PUM1: variants seen among roughly 807,000 people sequenced by gnomAD.
The protein encoded by PUM1 is pumilio RNA binding family member 1.
A neutral mutation model predicts 131.8 loss-of-function variants in PUM1; 13 were observed. The observed-to-expected ratio is 0.10, with a 90% confidence interval of 0.06 to 0.16. PUM1 has a LOEUF of 0.16. Ranked by LOEUF, PUM1 falls within the 10% of genes least tolerant of loss-of-function variation. PUM1 has a pLI of 1.00. For synonymous variants in PUM1, 509 were observed against 556.5 expected, an observed-to-expected ratio of 0.91 and a Z score of 1.20; for missense variants, 961 against 1,512.4, an observed-to-expected ratio of 0.64 and a Z score of 6.05.
rs374040779 is a variant in PUM1 at position 30,957,087 on chromosome 1, T to TACACACACATACACACAC, written c.2324-3107_2324-3106insGTGTGTGTATGTGTGTGT. Among the ~76,000 whole-genome samples the TACACACACATACACACAC allele has an allele frequency of 8.6e-5, 12 of 139,974 alleles. No individual in the cohort carries two copies. In the East Asian group the frequency reaches 2.4e-3, roughly 29 times the overall value. 91.8% of individuals were successfully genotyped at this position (139,974 alleles called of 152,430 possible). On this transcript the variant is annotated intron_variant, in intron 14 of 21. Coordinates refer to ENST00000426105, the MANE Select transcript of PUM1 (RefSeq NM_001020658.2). ...CAAGTACATACTACAAGGACATTCA[T>TACACACACATACACACAC]ACACACACACACACACACACACACA...
At chr1:31,032,739 G>A (rs1458784438) in intron 2 of PUM1, among the ~76,000 whole-genome samples, 1 of 152,130 alleles carries the variant, frequency 6.6e-6, no homozygotes, top group Non-Finnish European at 1.5e-5. Flanking sequence ...CCTCGGAGAT[G>A]GAGGCTGCAA....
intron 5 of PUM1, among the ~76,000 whole-genome samples, chr1:30,996,458 C>T (rs1641983424): frequency 6.6e-6 from 1 of 152,148 alleles, no homozygotes; most frequent in Non-Finnish European, 1.5e-5. Flanking sequence ...AGATCACTGG[C>T]CCAGAAAGGC....
At chr1:30,937,658 C>T (rs1237020348) in intron 20 of PUM1, among the ~76,000 whole-genome samples, 2 of 152,040 alleles carry the variant, frequency 1.3e-5, no homozygotes, top group East Asian at 1.9e-4. Flanking sequence ...ATAAAATTTA[C>T]TGTATGGCTT....
intron 2 of PUM1, among the ~76,000 whole-genome samples, chr1:31,054,116 AAAAAG>A (rs1246109074): frequency 3.3e-5 from 5 of 149,318 alleles, no homozygotes; most frequent in African/African-American, 1.2e-4. Flanking sequence ...AAAAAAAAAA[AAAAAG>A]GAGTTTGAGA....
chr1:31,025,150 C>G (rs1273745115), intron 3 of PUM1, among the ~76,000 whole-genome samples: 1 of 152,134 alleles, frequency 6.6e-6, no homozygotes, highest in Non-Finnish European at 1.5e-5. Flanking sequence ...TACTATGAGT[C>G]CTTCAGCTAA....
chr1:31,006,272 C>G (rs1024422280), intron 4 of PUM1, among the ~76,000 whole-genome samples: 1 of 152,150 alleles, frequency 6.6e-6, no homozygotes, highest in Non-Finnish European at 1.5e-5. Context: ...GTTTAACTAG[C>G]TGAGTGGATA....
At chr1:31,048,649 T>C (rs1170965183) in intron 2 of PUM1, among the ~76,000 whole-genome samples, 1 of 151,440 alleles carries the variant, frequency 6.6e-6, no homozygotes, top group African/African-American at 2.4e-5. Context: ...TAATTTTTTG[T>C]ATTTTTAGTA....
rs1373741504 is a variant in PUM1 at position 30,992,661 on chromosome 1, C to T, written c.888-1G>A. 1 of 1,610,160 alleles carries T rather than the reference C, an allele frequency of 6.2e-7. No individual in the cohort carries two copies. The highest frequency in any genetic ancestry group is 8.5e-7 in the Non-Finnish European group (1 of 1,177,552). ...GTTCTGGCAATTACCAGGGGTACGGCTAAACAGAGAAAGTAAAGGGCATTA... is the reference window on the plus strand; with the variant it reads ...GTTCTGGCAATTACCAGGGGTACGGTTAAACAGAGAAAGTAAAGGGCATTA... On this transcript the variant is annotated splice_acceptor_variant, in intron 6 of 21. Coordinates refer to ENST00000426105, the MANE Select transcript of PUM1 (RefSeq NM_001020658.2). LOFTEE classifies it high-confidence loss of function.
At chr1:30,968,575 T>C (rs1640725050) in intron 10 of PUM1, 83 bp from the exon 11 acceptor site, 1 of 1,407,508 alleles carries the variant, frequency 7.1e-7, no homozygotes, top group Non-Finnish European at 9.6e-7. Flanking sequence ...GGTCAACTTT[T>C]AAAACTTAAT....
intron 2 of PUM1, among the ~76,000 whole-genome samples, chr1:31,036,094 T>A (rs1057409726): frequency 6.6e-6 from 1 of 151,914 alleles, no homozygotes; most frequent in Non-Finnish European, 1.5e-5. Flanking sequence ...TTTTTTTTTT[T>A]AGTCTCACTC....
At chr1:31,018,790 A>C (rs189917982) in intron 3 of PUM1, among the ~76,000 whole-genome samples, 16 of 152,356 alleles carry the variant, frequency 1.1e-4, no homozygotes, top group African/African-American at 3.6e-4. Flanking sequence ...TTAATTAGGA[A>C]TCTATTCTGC....
At position 31,025,879 on chromosome 1, in the gene PUM1, C is replaced by T. The variant is rs543473984; in HGVS notation, c.432+2917G>A. Among the ~76,000 whole-genome samples, 9 of 152,150 alleles carry T rather than the reference C, an allele frequency of 5.9e-5. No individual in the cohort carries two copies. In the South Asian group the frequency reaches 1.9e-3, roughly 32 times the overall value. ...CCAGTAAATACTGTATTTATACACA[C>T]TCCCTCTCAGAGATGTTTTATTGCT... On this transcript the variant is annotated intron_variant, in intron 3 of 21. Transcript: ENST00000426105.
chr1:30,960,568 T>G (rs996954979), intron 14 of PUM1, among the ~76,000 whole-genome samples: 1 of 152,182 alleles, frequency 6.6e-6, no homozygotes, highest in Non-Finnish European at 1.5e-5. Flanking sequence ...ATAAGATCAA[T>G]ATACAAAAAC....
chr1:30,995,125 C>G lies in PUM1; in HGVS notation c.816G>C (p.Glu272Asp), dbSNP rs377633428. ...DGDKLGDLKE[E>D]GDVMDKTNGL... The stretch of plus-strand genomic sequence containing the variant: ...CATTGGTCTTGTCCATCACATCACC[C>G]TCCTCCTTCAAATCTCCTAGCTTAT... The change falls in exon 6 of 22, where the codon GAG becomes GAC. Residue 272 changes from glutamate to aspartate, a missense_variant. Coordinates refer to ENST00000426105, the MANE Select transcript of PUM1 (RefSeq NM_001020658.2). 9 of 1,614,022 alleles carry G rather than the reference C, an allele frequency of 5.6e-6. No individual in the cohort carries two copies. Among genetic ancestry groups the G allele is most frequent in the South Asian group, 2.2e-5 (2 of 91,082 alleles).
chr1:31,010,290 G>C (rs1469423026), intron 3 of PUM1, among the ~76,000 whole-genome samples: 3 of 152,150 alleles, frequency 2.0e-5, no homozygotes, highest in African/African-American at 7.2e-5. Flanking sequence ...GACTCTTAAT[G>C]ATCTTCACTT....
intron 13 of PUM1, 83 bp downstream of exon 13, chr1:30,965,899 G>A: frequency 7.1e-7 from 1 of 1,401,702 alleles, no homozygotes; most frequent in Non-Finnish European, 9.7e-7. Context: ...ATCTGCCTGT[G>A]GTTCCATGCA....
chr1:30,973,298 T>C (rs1329590536), intron 10 of PUM1, among the ~76,000 whole-genome samples: 1 of 151,534 alleles, frequency 6.6e-6, no homozygotes, highest in East Asian at 1.9e-4. Flanking sequence ...GTAAGACTGA[T>C]GTCAAGCAAA....
chr1:31,018,241 T>C lies in PUM1; in HGVS notation c.432+10555A>G, dbSNP rs12039505. Among the ~76,000 whole-genome samples the C allele has an allele frequency of 6.9e-3, 1,044 of 152,052 alleles. 4 individuals are homozygous for C. Among genetic ancestry groups the C allele is most frequent in the East Asian group, 0.021 (110 of 5,162 alleles). ...GCACATGCCTGTAATTCCAGCTACT[T>C]GGGAGGCTGAGGCAGGAGAATCATC... On this transcript the variant is annotated intron_variant, in intron 3 of 21. Coordinates refer to ENST00000426105, the MANE Select transcript of PUM1 (RefSeq NM_001020658.2).
At chr1:30,945,199 A>C (rs1557546853) in intron 18 of PUM1, 147 bp downstream of exon 18, 7 of 871,528 alleles carry the variant, frequency 8.0e-6, no homozygotes, top group Non-Finnish European at 1.2e-5. Context: ...GTGCCACTGC[A>C]CTCCAGCCTG....
Sources: allele counts gnomAD v4.1 joint callset (sites outside exome capture counted in the v4.1 genomes callset), GRCh38; gene constraint gnomAD v4.1.1; transcripts MANE v1.5; gene names NCBI Gene and HGNC (gene_info 2026-07-23, HGNC 2026-07-21).